Variants in CSRNP3 observed in about 807,000 individuals in gnomAD.
CSRNP3 encodes the protein cysteine/serine-rich nuclear protein 3.
Under a neutral mutation model 48.0 loss-of-function variants are expected in CSRNP3, and 12 were observed. The observed-to-expected ratio is 0.25, with a 90% CI of 0.16 to 0.41. The LOEUF (loss-of-function observed/expected upper bound fraction) is 0.41, where lower values mean the gene tolerates loss of function less well. Among genes scored for constraint, CSRNP3 ranks in the 10% least tolerant of loss-of-function variants. The probability of loss-of-function intolerance (pLI) is 1.00; values close to 1 mark genes in which losing one functional copy is unlikely to be tolerated. For missense variants in CSRNP3, 580 were observed against 724.4 expected, an observed-to-expected ratio of 0.80 and a Z score of 2.29; for synonymous variants, 263 against 269.7, an observed-to-expected ratio of 0.98 and a Z score of 0.24.
At position 165,494,777 on chromosome 2, in the gene CSRNP3, C is replaced by T; in HGVS notation, c.-264C>T. On this transcript the variant is annotated 5_prime_UTR_variant, in exon 2 of 7. Coordinates refer to ENST00000651982, the MANE Select transcript of CSRNP3 (RefSeq NM_001172173.2). The stretch of plus-strand genomic sequence containing the variant: ...GTTACAGGTACATGTGACAGCGTTG[C>T]AGCTATGAGTGGAATTTTAAAGGGG... 4.7e-6 allele frequency: 1 copy of T among 211,254 alleles called. No individual in the cohort carries two copies. The allele number at this position is 211,254 out of a possible 1,614,324, so 13.1% of individuals were successfully genotyped here. A position where few individuals can be genotyped will look rare whatever the true frequency, so the allele number is the denominator to read the frequency against.
intron 5 of CSRNP3, among the ~76,000 whole-genome samples, chr2:165,666,931 A>AGAG (rs1687228138): frequency 7.7e-6 from 1 of 129,574 alleles, no homozygotes. Flanking sequence ...GAGGAAAGAG[A>AGAG]GAAGAAGAAA....
In CSRNP3 at chr2:165,635,274, A is replaced by T. The variant is rs80088489; in HGVS notation, c.149-22487A>T. On this transcript the variant is annotated intron_variant, in intron 4 of 6. Coordinates refer to ENST00000651982, the MANE Select transcript of CSRNP3 (RefSeq NM_001172173.2). ...GGAGACAAGTGGGCAGAACCTAGAC[A>T]AAACTCATTCTTTTCTCTGTATATT... Among the ~76,000 whole-genome samples, 37 of 152,328 alleles carry T rather than the reference A, an allele frequency of 2.4e-4. No homozygotes were observed. In the East Asian group the frequency reaches 6.2e-3, roughly 25 times the overall value.
At chr2:165,655,548 C>A (rs1198708210) in intron 4 of CSRNP3, among the ~76,000 whole-genome samples, 1 of 152,114 alleles carries the variant, frequency 6.6e-6, no homozygotes, top group Non-Finnish European at 1.5e-5. Flanking sequence ...TTCTTCTGTT[C>A]ATTTTTCTGC....
rs1373745211 is a variant in CSRNP3, at chr2:165,681,823, G to GTATA, written c.*2071_*2072insATAT. Reference sequence around the variant, plus strand: ...TATGTATGTGTGTGTGTGTGTGTGTGTGTGTGTATATATATATATCCCATG... The same window carrying GTATA: ...TATGTATGTGTGTGTGTGTGTGTGTGTATATGTGTGTATATATATATATCCCATG... On this transcript the variant is annotated 3_prime_UTR_variant, in exon 7 of 7. Coordinates refer to ENST00000651982, the MANE Select transcript of CSRNP3 (RefSeq NM_001172173.2). 234 of 140,944 alleles carry GTATA rather than the reference G, an allele frequency of 1.7e-3. No homozygotes were observed. Among genetic ancestry groups the GTATA allele is most frequent in the African/African-American group, 5.4e-3 (205 of 38,034 alleles). The allele number at this position is 140,944 out of a possible 1,614,324, so 8.7% of individuals were successfully genotyped here.
At chr2:165,579,674 G>C (rs931310615) in intron 3 of CSRNP3, among the ~76,000 whole-genome samples, 1 of 152,134 alleles carries the variant, frequency 6.6e-6, no homozygotes, top group African/African-American at 2.4e-5. Flanking sequence ...GTGCTAATTT[G>C]TGTGAATCAT....
intron 3 of CSRNP3, among the ~76,000 whole-genome samples, chr2:165,524,284 G>T (rs1684703815): frequency 1.3e-5 from 2 of 151,694 alleles, no homozygotes; most frequent in African/African-American, 4.8e-5. Context: ...AACTACTTGG[G>T]GGAAAATAAG....
At chr2:165,533,061 T>A (rs898764915) in intron 3 of CSRNP3, among the ~76,000 whole-genome samples, 2 of 152,186 alleles carry the variant, frequency 1.3e-5, no homozygotes, top group African/African-American at 4.8e-5. Context: ...TAATATGGTA[T>A]ATTTTAAATG....
At chr2:165,665,852 G>A (rs552044578) in intron 5 of CSRNP3, among the ~76,000 whole-genome samples, 1 of 149,898 alleles carries the variant, frequency 6.7e-6, no homozygotes, top group Non-Finnish European at 1.5e-5. Flanking sequence ...AGGAAGGAAG[G>A]AAGGAAAGAG....
At chr2:165,600,455 G>C (rs575347521) in intron 4 of CSRNP3, among the ~76,000 whole-genome samples, 2 of 152,308 alleles carry the variant, frequency 1.3e-5, no homozygotes, top group East Asian at 3.9e-4. Context: ...ACCCAGTAAT[G>C]AGATGGCTGG....
chr2:165,553,098 A>G (rs904876679), intron 3 of CSRNP3, among the ~76,000 whole-genome samples: 4 of 151,986 alleles, frequency 2.6e-5, no homozygotes, highest in African/African-American at 4.8e-5. Context: ...TTTTTTTCCT[A>G]TGTATGTACC....
intron 4 of CSRNP3, among the ~76,000 whole-genome samples, chr2:165,640,100 G>T (rs1341942994): frequency 2.0e-5 from 3 of 152,092 alleles, no homozygotes; most frequent in African/African-American, 7.2e-5. Flanking sequence ...CTCTGTGTCA[G>T]GCACTCTACT....
intron 3 of CSRNP3, among the ~76,000 whole-genome samples, chr2:165,564,218 T>G (rs1685270022): frequency 6.6e-6 from 1 of 152,108 alleles, no homozygotes; most frequent in Admixed American, 6.6e-5. Context: ...AGTTTCAAAT[T>G]CAGCCTATGG....
Position 165,500,418 on chromosome 2 carries a change from TATAC to T in CSRNP3, c.-113+5492_-113+5495del, listed in dbSNP as rs1460121885. ...GTATACATATATGTATACATATATA[TATAC>T]ACACACACACACACACACGTGTATA... On this transcript the variant is annotated intron_variant, in intron 2 of 6. Transcript: ENST00000651982. Among the ~76,000 whole-genome samples the T allele has an allele frequency of 8.0e-4, 96 of 119,992 alleles. 1 individual carries two copies. The South Asian group carries it at 0.014, about 18-fold the overall frequency. The allele number at this position is 119,992 out of a possible 152,430, so 78.7% of individuals were successfully genotyped here.
At chr2:165,620,554 C>T (rs1347553500) in intron 4 of CSRNP3, among the ~76,000 whole-genome samples, 1 of 152,126 alleles carries the variant, frequency 6.6e-6, no homozygotes, top group African/African-American at 2.4e-5. Flanking sequence ...GAAAGGTAGA[C>T]TGTTCACATT....
chr2:165,532,282 T>C (rs1419614253), intron 3 of CSRNP3, among the ~76,000 whole-genome samples: 3 of 152,130 alleles, frequency 2.0e-5, no homozygotes, highest in African/African-American at 7.2e-5. Flanking sequence ...ACCAATATCC[T>C]TGATGAACAT....
At chr2:165,652,968 A>G (rs1686939331) in intron 4 of CSRNP3, among the ~76,000 whole-genome samples, 1 of 152,204 alleles carries the variant, frequency 6.6e-6, no homozygotes, top group African/African-American at 2.4e-5. Flanking sequence ...GTAGAGCTTA[A>G]TCTTCTTGGA....
intron 3 of CSRNP3, chr2:165,566,748 C>T (rs1346331616): frequency 2.0e-5 from 3 of 151,724 alleles, no homozygotes; most frequent in Admixed American, 6.6e-5. Flanking sequence ...TATGCTGTAA[C>T]GTCTCTTTAT....
intron 4 of CSRNP3, among the ~76,000 whole-genome samples, chr2:165,648,348 A>T (rs971240332): frequency 4.6e-5 from 7 of 152,122 alleles, no homozygotes; most frequent in African/African-American, 1.4e-4. Flanking sequence ...ACCATCCCCA[A>T]TATTAATTGC....
At chr2:165,599,842 A>C (rs2105300054) in intron 4 of CSRNP3, among the ~76,000 whole-genome samples, 1 of 152,196 alleles carries the variant, frequency 6.6e-6, no homozygotes, top group South Asian at 2.1e-4. Context: ...TTTTACTTAA[A>C]ATGATTACTT....
Sources: gnomAD v4.1 joint callset for allele counts (sites outside exome capture counted in the v4.1 genomes callset) on GRCh38, gnomAD v4.1.1 for gene constraint, MANE v1.5 for transcripts, NCBI Gene and HGNC (gene_info 2026-07-23, HGNC 2026-07-21) for gene names.